The following TIMMDC1 variants were observed in gnomAD, a reference collection of about 807,000 sequenced individuals.
TIMMDC1 encodes the protein complex I assembly factor TIMMDC1, mitochondrial.
A neutral mutation model predicts 32.6 loss-of-function variants in TIMMDC1; 25 were observed. That is an observed-to-expected ratio of 0.77 (90% CI 0.56 to 1.07). The LOEUF is 1.07. Ranked by LOEUF, TIMMDC1 falls within the 50% of genes least tolerant of loss-of-function variation. The probability of loss-of-function intolerance (pLI) is 0.00; values close to 1 mark genes in which losing one functional copy is unlikely to be tolerated. For synonymous variants in TIMMDC1, 130 were observed against 127.6 expected (o/e 1.02, Z -0.13); for missense variants, 329 against 349.2 (o/e 0.94, Z 0.46).
At chr3:119,517,388 C>T in intron 6 of TIMMDC1, 73 bp downstream of exon 6, 2 of 926,986 alleles carry the variant, frequency 2.2e-6, no homozygotes, top group Non-Finnish European at 1.8e-6. Context: ...CTCTTTTAAA[C>T]TTATGTACTC....
At chr3:119,522,348 A>G (rs1178733000) in intron 6 of TIMMDC1, among the ~76,000 whole-genome samples, 1 of 152,172 alleles carries the variant, frequency 6.6e-6, no homozygotes, top group Non-Finnish European at 1.5e-5. Context: ...TGGGAGCTAA[A>G]AAATGGGCTC....
intron 4 of TIMMDC1, among the ~76,000 whole-genome samples, chr3:119,512,195 A>T (rs1214688241): frequency 2.0e-5 from 3 of 152,212 alleles, no homozygotes; most frequent in African/African-American, 7.2e-5. Context: ...GGTGGGAGAA[A>T]ACTCAGTGAT....
At chr3:119,507,713 T>A (rs2081926857) in intron 4 of TIMMDC1, among the ~76,000 whole-genome samples, 1 of 152,204 alleles carries the variant, frequency 6.6e-6, no homozygotes, top group Non-Finnish European at 1.5e-5. Context: ...TAGGATGCCT[T>A]GTAATTTTTT....
chr3:119,503,345 T>C (rs1276050030), intron 2 of TIMMDC1, among the ~76,000 whole-genome samples, 187 bp from the exon 3 acceptor site: 1 of 152,236 alleles, frequency 6.6e-6, no homozygotes, highest in Non-Finnish European at 1.5e-5. Flanking sequence ...CCTGATAGGA[T>C]AGGCTACACA....
At chr3:119,522,114 T>C (rs2082030468) in intron 6 of TIMMDC1, among the ~76,000 whole-genome samples, 1 of 152,170 alleles carries the variant, frequency 6.6e-6, no homozygotes. Context: ...GCCCCCATGC[T>C]TATTGTAGCA....
chr3:119,516,972 T>C (rs948520266), intron 5 of TIMMDC1, among the ~76,000 whole-genome samples: 4 of 152,250 alleles, frequency 2.6e-5, no homozygotes, highest in Admixed American at 2.6e-4. Flanking sequence ...TTTTATTATA[T>C]ATCAGTTAAC....
At chr3:119,499,055 C>G in intron 1 of TIMMDC1, 128 bp downstream of exon 1, 1 of 667,648 alleles carries the variant, frequency 1.5e-6, no homozygotes, top group Non-Finnish European at 2.5e-6. Context: ...ATTTGAGGTT[C>G]TGATATTTGT....
At chr3:119,504,515 A>G (rs1357599010) in intron 4 of TIMMDC1, among the ~76,000 whole-genome samples, 1 of 152,018 alleles carries the variant, frequency 6.6e-6, no homozygotes, top group African/African-American at 2.4e-5. Flanking sequence ...ATTGGTGAGG[A>G]CTATAGGAAT....
intron 6 of TIMMDC1, among the ~76,000 whole-genome samples, chr3:119,522,048 C>G (rs1005655244): frequency 6.6e-6 from 1 of 152,114 alleles, no homozygotes; most frequent in Non-Finnish European, 1.5e-5. Flanking sequence ...CAGCAATCTT[C>G]CCTACTAGGT....
chr3:119,506,705 T>C (rs1218484016), intron 4 of TIMMDC1, among the ~76,000 whole-genome samples: 1 of 152,226 alleles, frequency 6.6e-6, no homozygotes, highest in Non-Finnish European at 1.5e-5. Flanking sequence ...CCTAGTTACA[T>C]TTTTGAAATA....
chr3:119,515,343 C>T (rs1442594532), intron 5 of TIMMDC1, among the ~76,000 whole-genome samples: 2 of 152,186 alleles, frequency 1.3e-5, no homozygotes, highest in Non-Finnish European at 2.9e-5. Context: ...CATTTCTTCT[C>T]CTAGGGCCCC....
At position 119,500,693 on chromosome 3, in the gene TIMMDC1, A is replaced by C. The variant is rs780054086; in HGVS notation, c.195-2A>C. On this transcript the variant is annotated splice_acceptor_variant, in intron 1 of 6. Transcript: ENST00000494664. LOFTEE classifies it high-confidence loss of function. ...AACAACATTGTCTTTTTGATGTTGT[A>C]GTGAACAGCAGAGAATTTCAAAGGA... is the stretch of plus-strand genomic sequence containing the variant. The C allele has an allele frequency of 6.2e-7, 1 of 1,611,510 alleles. No homozygotes were observed. Among genetic ancestry groups the C allele is most frequent in the South Asian group, 1.1e-5 (1 of 90,548 alleles).
At position 119,498,889 on chromosome 3, in the gene TIMMDC1, A is replaced by G; in HGVS notation, c.156A>G (p.Glu52=). The G allele has an allele frequency of 6.2e-7, 1 of 1,614,122 alleles. No homozygotes were observed. Among genetic ancestry groups the G allele is most frequent in the Non-Finnish European group, 8.5e-7 (1 of 1,180,000 alleles). ...ACGTCCCAGAGCCCTATTACCCGGA[A>G]TCTGGATGGGACCGCCTCCGGGAGC... ...LPYVPEPYYP[E]SGWDRLRELF... Residue 52 remains glutamate (E), a synonymous_variant, in exon 1 of 7, where the codon GAA becomes GAG. Transcript: ENST00000494664.
chr3:119,514,393 T>A (rs1269811448), intron 5 of TIMMDC1, among the ~76,000 whole-genome samples: 1 of 152,202 alleles, frequency 6.6e-6, no homozygotes, highest in Admixed American at 6.5e-5. Context: ...CCCCCATATA[T>A]ATCAGCATGT....
chr3:119,498,781 G>T lies in TIMMDC1; in HGVS notation c.48G>T (p.Leu16Phe). The change falls in exon 1 of 7, where the codon TTG (leucine) becomes TTT (phenylalanine). Residue 16 changes from leucine to phenylalanine, a missense_variant. By Grantham distance (22) the Leu-to-Phe change is conservative (BLOSUM62 0). Transcript: ENST00000494664. ...PAPRSFLCRALCLFPRVFAAE... is the reference protein window; with the variant it reads ...PAPRSFLCRAFCLFPRVFAAE... ...CGCGGAGCTTTCTCTGTAGAGCATT[G>T]TGCCTATTTCCCCGAGTCTTTGCTG... 1 of 1,614,248 alleles carries T rather than the reference G, an allele frequency of 6.2e-7. No homozygotes were observed. The highest frequency in any genetic ancestry group is 8.5e-7 in the Non-Finnish European group (1 of 1,180,044).
At chr3:119,509,443 G>A (rs189923917) in intron 4 of TIMMDC1, among the ~76,000 whole-genome samples, 2 of 152,092 alleles carry the variant, frequency 1.3e-5, no homozygotes, top group East Asian at 1.9e-4. Context: ...TACATGCTGC[G>A]ACATGAATAA....
intron 5 of TIMMDC1, among the ~76,000 whole-genome samples, chr3:119,514,426 C>A (rs906725827): frequency 4.6e-5 from 7 of 152,194 alleles, no homozygotes; most frequent in Admixed American, 6.5e-5. Context: ...GAAGAATACT[C>A]TTCCATGAAA....
At chr3:119,517,907 T>G (rs1010187784) in intron 6 of TIMMDC1, among the ~76,000 whole-genome samples, 2 of 151,546 alleles carry the variant, frequency 1.3e-5, no homozygotes, top group African/African-American at 2.4e-5. Flanking sequence ...TAGCGGAGGT[T>G]ACAGTGAGCC....
At chr3:119,517,390 T>C (rs1014045655) in intron 6 of TIMMDC1, 75 bp downstream of exon 6, 1 of 923,952 alleles carries the variant, frequency 1.1e-6, no homozygotes, top group Non-Finnish European at 1.8e-6. Flanking sequence ...CTTTTAAACT[T>C]ATGTACTCTA....
Sources: allele counts gnomAD v4.1 joint callset (sites outside exome capture counted in the v4.1 genomes callset), GRCh38; gene constraint gnomAD v4.1.1; transcripts MANE v1.5; gene names NCBI Gene and HGNC (gene_info 2026-07-23, HGNC 2026-07-21).